PELI2: variants seen among roughly 807,000 people sequenced by gnomAD.
PELI2 encodes pellino E3 ubiquitin protein ligase family member 2.
PELI2 carries 23 observed loss-of-function variants against 42.3 expected under a neutral mutation model. That is an observed-to-expected ratio of 0.54 (90% CI 0.39 to 0.77). The LOEUF is 0.77. Ranked by LOEUF, PELI2 falls within the 30% of genes least tolerant of loss-of-function variation. The pLI is 0.00. For synonymous variants in PELI2, 245 were observed against 212.2 expected (o/e 1.15, Z -1.34); for missense variants, 463 against 553.2 (o/e 0.84, Z 1.64).
chr14:56,228,330 A>G (rs576231781), intron 2 of PELI2, among the ~76,000 whole-genome samples: 1 of 152,322 alleles, frequency 6.6e-6, no homozygotes, highest in East Asian at 1.9e-4. Flanking sequence ...GGGAACCTAT[A>G]TGTAGATCCA....
At chr14:56,192,869 T>C (rs1248057542) in intron 2 of PELI2, among the ~76,000 whole-genome samples, 3 of 152,236 alleles carry the variant, frequency 2.0e-5, no homozygotes, top group Non-Finnish European at 2.9e-5. Flanking sequence ...TTATAGTACA[T>C]CTTTTCTTCT....
chr14:56,194,784 G>A (rs994686895), intron 2 of PELI2, among the ~76,000 whole-genome samples: 3 of 151,728 alleles, frequency 2.0e-5, no homozygotes, highest in Non-Finnish European at 2.9e-5. Flanking sequence ...CCCCCGCCCC[G>A]CCCATACCCT....
At chr14:56,171,811 T>G (rs1367206885) in intron 1 of PELI2, among the ~76,000 whole-genome samples, 1 of 151,612 alleles carries the variant, frequency 6.6e-6, no homozygotes, top group African/African-American at 2.4e-5. Context: ...AGGTCAGGAG[T>G]TCGAAACCAG....
chr14:56,175,185 G>A (rs559214303), intron 1 of PELI2, among the ~76,000 whole-genome samples: 8 of 152,118 alleles, frequency 5.3e-5, no homozygotes, highest in East Asian at 1.9e-4. Flanking sequence ...TTGTAGAGGT[G>A]GGGTTTTGAC....
At chr14:56,198,044 C>T (rs1212937358) in intron 2 of PELI2, among the ~76,000 whole-genome samples, 1 of 150,078 alleles carries the variant, frequency 6.7e-6, no homozygotes, top group African/African-American at 2.5e-5. Context: ...TCTAGAGAAC[C>T]CTGACTAATA....
intron 1 of PELI2, among the ~76,000 whole-genome samples, chr14:56,150,203 A>AG (rs1566607245): frequency 6.6e-6 from 1 of 152,252 alleles, no homozygotes; most frequent in Non-Finnish European, 1.5e-5. Context: ...GCACGGCGTA[A>AG]CTGTCAAGTG....
At chr14:56,121,066 C>T (rs1883041566) in intron 1 of PELI2, among the ~76,000 whole-genome samples, 1 of 152,126 alleles carries the variant, frequency 6.6e-6, no homozygotes, top group Admixed American at 6.5e-5. Context: ...ACAACAATAA[C>T]ATTCACATAG....
intron 2 of PELI2, among the ~76,000 whole-genome samples, chr14:56,232,289 A>T (rs36128213): frequency 0.4 from 60,984 of 151,658 alleles, 12,970 homozygotes; most frequent in South Asian, 0.53. Context: ...TGCCAAAGCC[A>T]GGCAGAGACA....
At chr14:56,281,854 C>T (rs1331763502) in intron 3 of PELI2, among the ~76,000 whole-genome samples, 2 of 152,084 alleles carry the variant, frequency 1.3e-5, no homozygotes, top group African/African-American at 4.8e-5. Context: ...ATTAAAACCA[C>T]ATAGAGATAC....
chr14:56,131,815 A>G (rs973211408), intron 1 of PELI2, among the ~76,000 whole-genome samples: 3 of 152,320 alleles, frequency 2.0e-5, no homozygotes, highest in Admixed American at 6.5e-5. Context: ...GTCCGGGATA[A>G]TAAAGCATAC....
intron 2 of PELI2, among the ~76,000 whole-genome samples, chr14:56,278,960 C>T (rs1889388099): frequency 6.6e-6 from 1 of 152,082 alleles, no homozygotes. Context: ...GTGACCACAA[C>T]TTTTTGTTCA....
chr14:56,196,965 A>G (rs142523281), intron 2 of PELI2, among the ~76,000 whole-genome samples: 150 of 152,238 alleles, frequency 9.9e-4, no homozygotes, highest in African/African-American at 3.5e-3. Context: ...TATCTATCTC[A>G]AGGTTTATGT....
At chr14:56,225,234 A>G (rs1212457749) in intron 2 of PELI2, among the ~76,000 whole-genome samples, 1 of 152,156 alleles carries the variant, frequency 6.6e-6, no homozygotes, top group African/African-American at 2.4e-5. Context: ...CTTCAGAGGC[A>G]CAGGCTGAGG....
At chr14:56,144,081 G>A (rs753192522) in intron 1 of PELI2, among the ~76,000 whole-genome samples, 3 of 152,022 alleles carry the variant, frequency 2.0e-5, no homozygotes, top group Non-Finnish European at 2.9e-5. Context: ...TACTCATACT[G>A]TACTACCGCT....
chr14:56,253,557 C>CT (rs1888424065), intron 2 of PELI2, among the ~76,000 whole-genome samples: 1 of 152,138 alleles, frequency 6.6e-6, no homozygotes, highest in African/African-American at 2.4e-5. Context: ...ACACCAATAA[C>CT]AGACAAACAG....
chr14:56,192,762 A>C (rs1885997835), intron 2 of PELI2, among the ~76,000 whole-genome samples: 1 of 152,246 alleles, frequency 6.6e-6, no homozygotes, highest in Non-Finnish European at 1.5e-5. Flanking sequence ...TGAATGAGTT[A>C]ATACATGTAA....
chr14:56,173,734 C>T (rs781030447), intron 1 of PELI2, among the ~76,000 whole-genome samples: 1 of 152,218 alleles, frequency 6.6e-6, no homozygotes, highest in African/African-American at 2.4e-5. Context: ...GCCTCCATCA[C>T]ATGGTCGTCT....
rs914817530 is a variant in PELI2 at position 56,223,501 on chromosome 14, C to G, written c.207+45037C>G. ...CTCTACTCGCATGTTGTCCTGTTCCCCTATGGCTTGCAGATGTGCAGAAAA... is the reference window on the plus strand; with the variant it reads ...CTCTACTCGCATGTTGTCCTGTTCCGCTATGGCTTGCAGATGTGCAGAAAA... On this transcript the variant is annotated intron_variant, in intron 2 of 5. Coordinates refer to ENST00000267460, the MANE Select transcript of PELI2 (RefSeq NM_021255.3). Among the ~76,000 whole-genome samples, 4 of 152,136 alleles carry G rather than the reference C, an allele frequency of 2.6e-5. No homozygotes were observed. In the East Asian group the frequency reaches 7.7e-4, roughly 29 times the overall value.
At position 56,279,559 on chromosome 14, in the gene PELI2, G is replaced by A. The variant is rs559888333; in HGVS notation, c.208-117G>A. The A allele has an allele frequency of 5.8e-4, 307 of 529,568 alleles. 1 individual carries two copies. Among genetic ancestry groups the A allele is most frequent in the African/African-American group, 5.8e-3 (294 of 51,050 alleles). The allele number at this position is 529,568 out of a possible 1,614,324, so 32.8% of individuals were successfully genotyped here. On this transcript the variant is annotated intron_variant, in intron 2 of 5. Transcript: ENST00000267460. Reference sequence around the variant, plus strand: ...GCATAGGGGAAAAACCTGACTGTGTGGAAAATGCTGGCTTGTGCTGGGCTT... The same window carrying A: ...GCATAGGGGAAAAACCTGACTGTGTAGAAAATGCTGGCTTGTGCTGGGCTT...
Sources: allele counts gnomAD v4.1 joint callset (sites outside exome capture counted in the v4.1 genomes callset), GRCh38; gene constraint gnomAD v4.1.1; transcripts MANE v1.5; gene names NCBI Gene and HGNC (gene_info 2026-07-23, HGNC 2026-07-21).